The following KAT2B variants were observed in gnomAD, a reference collection of about 807,000 sequenced individuals.
KAT2B encodes the protein histone acetyltransferase KAT2B.
In KAT2B, 36 loss-of-function variants were observed where a neutral mutation model predicts 105.9. That is an observed-to-expected ratio of 0.34 (90% CI 0.26 to 0.45). The LOEUF (loss-of-function observed/expected upper bound fraction) is 0.45. KAT2B is among the 20% of genes least tolerant of loss of function. The probability of loss-of-function intolerance (pLI) is 1.00; values close to 1 mark genes in which losing one functional copy is unlikely to be tolerated. For synonymous variants in KAT2B, 397 were observed against 377.9 expected (o/e 1.05, Z -0.59); for missense variants, 820 against 1,021.6 (o/e 0.80, Z 2.69).
chr3:20,102,530 A>G (rs868463038), intron 5 of KAT2B, among the ~76,000 whole-genome samples: 2 of 152,206 alleles, frequency 1.3e-5, no homozygotes, highest in Non-Finnish European at 2.9e-5. Flanking sequence ...ATTTACCACA[A>G]TTTACCTAAC....
chr3:20,146,628 G>A (rs974615148), intron 14 of KAT2B, 198 bp downstream of exon 14: 3 of 431,400 alleles, frequency 7.0e-6, no homozygotes, highest in African/African-American at 5.9e-5. Flanking sequence ...ACCAAAGGGA[G>A]CTTAGATGCC....
intron 1 of KAT2B, among the ~76,000 whole-genome samples, chr3:20,043,624 C>T (rs1697756371): frequency 6.6e-6 from 1 of 151,904 alleles, no homozygotes; most frequent in South Asian, 2.1e-4. Context: ...CTGAGCCAGA[C>T]CTTTGTTGCC....
chr3:20,073,768 G>C (rs1456830627), intron 2 of KAT2B, among the ~76,000 whole-genome samples: 1 of 152,146 alleles, frequency 6.6e-6, no homozygotes, highest in Non-Finnish European at 1.5e-5. Context: ...ACTCTGAATG[G>C]AGTGAATGGA....
intron 1 of KAT2B, among the ~76,000 whole-genome samples, chr3:20,043,002 G>A (rs1697746118): frequency 6.6e-6 from 1 of 151,980 alleles, no homozygotes; most frequent in Non-Finnish European, 1.5e-5. Flanking sequence ...CTGGGCTCAG[G>A]TGATCCTCCT....
rs760499367 is a variant in KAT2B, at chr3:20,099,902, T to C, written c.617T>C (p.Val206Ala). 1 of 1,609,608 alleles carries C rather than the reference T, an allele frequency of 6.2e-7. No individual in the cohort carries two copies. The change falls in exon 4 of 18, where the codon GTT becomes GCT. Residue 206 changes from valine to alanine, a missense_variant. Coordinates refer to ENST00000263754, the MANE Select transcript of KAT2B (RefSeq NM_003884.5). ...KSILQRGKPV[V>A]EGSLEKKPPF... ...ATTTTACAAAGAGGAAAACCTGTGG[T>C]TGAAGGCTCTTTGGAAAAGAAACCC...
chr3:20,126,909 A>G (rs867112767), intron 10 of KAT2B, among the ~76,000 whole-genome samples: 3 of 151,998 alleles, frequency 2.0e-5, no homozygotes, highest in South Asian at 4.1e-4. Context: ...CCAGTAGCCT[A>G]TGGGGACTGT....
At chr3:20,058,572 C>G (rs1015242124) in intron 1 of KAT2B, among the ~76,000 whole-genome samples, 6 of 151,824 alleles carry the variant, frequency 4.0e-5, no homozygotes, top group African/African-American at 1.5e-4. Context: ...GTTTTGTTCT[C>G]CTGAGGGAAC....
At chr3:20,096,831 T>C (rs550454578) in intron 3 of KAT2B, among the ~76,000 whole-genome samples, 3 of 152,196 alleles carry the variant, frequency 2.0e-5, no homozygotes, top group Non-Finnish European at 1.5e-5. Flanking sequence ...TTTTGTCTTT[T>C]ATTGTACTAA....
intron 1 of KAT2B, among the ~76,000 whole-genome samples, chr3:20,053,686 A>G (rs889670173): frequency 2.0e-5 from 3 of 152,242 alleles, no homozygotes; most frequent in Non-Finnish European, 4.4e-5. Context: ...ATATGAAGGC[A>G]TTCTTTAAAC....
intron 9 of KAT2B, 158 bp downstream of exon 9, chr3:20,122,962 A>G (rs947138464): frequency 1.0e-6 from 1 of 985,014 alleles, no homozygotes; most frequent in Non-Finnish European, 1.2e-6. Context: ...GGCAGGAACA[A>G]CTGATCAAGA....
At chr3:20,079,297 C>T (rs1333800195) in intron 2 of KAT2B, among the ~76,000 whole-genome samples, 2 of 150,270 alleles carry the variant, frequency 1.3e-5, no homozygotes, top group East Asian at 2.0e-4. Context: ...TTCTGCCTCC[C>T]AGGTTCAAGC....
intron 11 of KAT2B, among the ~76,000 whole-genome samples, chr3:20,129,201 A>G (rs1351581555): frequency 6.6e-6 from 1 of 151,934 alleles, no homozygotes; most frequent in Non-Finnish European, 1.5e-5. Flanking sequence ...GTGCTTTTAA[A>G]TTTTCTAGTA....
intron 14 of KAT2B, 80 bp downstream of exon 14, chr3:20,146,510 T>C: frequency 1.3e-6 from 1 of 792,734 alleles, no homozygotes; most frequent in Non-Finnish European, 2.2e-6. Context: ...CAGAATGCAG[T>C]AACTTCGAAA....
chr3:20,115,018 C>A (rs1398540537), intron 7 of KAT2B, 30 bp downstream of exon 7: 1 of 1,431,528 alleles, frequency 7.0e-7, no homozygotes, highest in South Asian at 1.1e-5. Flanking sequence ...AATCAGAGAA[C>A]AACCAGGGAG....
chr3:20,079,031 A>T (rs1698471486), intron 2 of KAT2B, among the ~76,000 whole-genome samples: 1 of 145,494 alleles, frequency 6.9e-6, no homozygotes, highest in Non-Finnish European at 1.5e-5. Flanking sequence ...TTACAGGCTT[A>T]TACCACCACA....
chr3:20,151,848 GTATT>G (rs1208942221), intron 17 of KAT2B, among the ~76,000 whole-genome samples: 1 of 152,144 alleles, frequency 6.6e-6, no homozygotes, highest in African/African-American at 2.4e-5. Context: ...GTTCACAGAT[GTATT>G]TATTATCAGT....
chr3:20,095,191 T>A (rs2293142), intron 2 of KAT2B, 72 bp from the exon 3 acceptor site: 3 of 1,264,166 alleles, frequency 2.4e-6, no homozygotes, highest in Non-Finnish European at 2.3e-6. Context: ...AAAGAGGACC[T>A]TCCACTTAAA....
chr3:20,119,724 G>A lies in KAT2B; in HGVS notation c.1276+1G>A. On this transcript the variant is annotated splice_donor_variant, in intron 8 of 17. Coordinates refer to ENST00000263754, the MANE Select transcript of KAT2B (RefSeq NM_003884.5). LOFTEE classifies it high-confidence loss of function. ...TCTTCTGGACTTGAGGCAAACCCAG[G>A]TAAGCTCTTAAGAGGGGATAAGAGA... is the stretch of plus-strand genomic sequence containing the variant. 6.2e-7 allele frequency: 1 copy of A among 1,613,932 alleles called. No homozygotes were observed. Among genetic ancestry groups the A allele is most frequent in the Admixed American group, 1.7e-5 (1 of 59,992 alleles).
At chr3:20,075,285 TATA>T (rs775435325) in intron 2 of KAT2B, among the ~76,000 whole-genome samples, 15 of 151,692 alleles carry the variant, frequency 9.9e-5, no homozygotes, top group Non-Finnish European at 1.5e-4. Flanking sequence ...AAAAAGAAAA[TATA>T]ATAGTATAAA....
Sources: allele counts gnomAD v4.1 joint callset (sites outside exome capture counted in the v4.1 genomes callset), GRCh38; gene constraint gnomAD v4.1.1; transcripts MANE v1.5; gene names NCBI Gene and HGNC (gene_info 2026-07-23, HGNC 2026-07-21).